CFAP141: variants seen among roughly 807,000 people sequenced by gnomAD.
CFAP141 encodes cilia- and flagella-associated protein 141.
the CFAP141 span, chr1:154,200,519 G>A: frequency 6.2e-7 from 1 of 1,614,134 alleles, no homozygotes; most frequent in Non-Finnish European, 8.5e-7. Flanking sequence ...GCATCCTTAG[G>A]GTGGCATACG....
At chr1:154,199,279 G>A in the CFAP141 span, 12 of 578,636 alleles carry the variant, frequency 2.1e-5, no homozygotes, top group Non-Finnish European at 3.4e-5. Context: ...CGAGAGAGTG[G>A]AGAAGTGAGA....
the CFAP141 span, chr1:154,199,330 C>A: frequency 1.4e-6 from 1 of 733,418 alleles, no homozygotes; most frequent in Non-Finnish European, 2.3e-6. Flanking sequence ...TAGCAAGATC[C>A]AGGTATGTTT....
the CFAP141 span, among the ~76,000 whole-genome samples, chr1:154,202,237 T>G: frequency 6.0e-5 from 9 of 151,050 alleles, no homozygotes; most frequent in Admixed American, 4.6e-4. Flanking sequence ...CATGCCTGGC[T>G]GCTAATTTTT....
chr1:154,204,984 C>G, the CFAP141 span, among the ~76,000 whole-genome samples: 2 of 151,560 alleles, frequency 1.3e-5, no homozygotes, highest in African/African-American at 4.8e-5. Context: ...TAAGTTCAAG[C>G]AATTCTCCTG....
the CFAP141 span, among the ~76,000 whole-genome samples, chr1:154,204,104 A>C: frequency 6.6e-6 from 1 of 152,102 alleles, no homozygotes; most frequent in Non-Finnish European, 1.5e-5. Context: ...TAAATAAATA[A>C]ATAAATAAAT....
At chr1:154,199,823 C>T in the CFAP141 span, among the ~76,000 whole-genome samples, 1 of 152,020 alleles carries the variant, frequency 6.6e-6, no homozygotes, top group Non-Finnish European at 1.5e-5. Flanking sequence ...GTGGGGACCC[C>T]GGGAGAGAGA....
chr1:154,201,952 T>G, the CFAP141 span, among the ~76,000 whole-genome samples: 11 of 151,380 alleles, frequency 7.3e-5, no homozygotes, highest in African/African-American at 2.4e-4. Context: ...TTTTTTTTTT[T>G]TGGAGACAGA....
the CFAP141 span, among the ~76,000 whole-genome samples, chr1:154,204,541 A>G: frequency 1.6e-3 from 240 of 151,860 alleles, 6 homozygotes; most frequent in Non-Finnish European, 2.9e-4. Context: ...TTGCCCTCCC[A>G]AAGTGCTGGG....
the CFAP141 span, among the ~76,000 whole-genome samples, chr1:154,203,372 GCCTCAGCCT>G: frequency 1.3e-5 from 2 of 148,298 alleles, no homozygotes; most frequent in African/African-American, 4.9e-5. Flanking sequence ...CAATTCTTCT[GCCTCAGCCT>G]CCTGGGTAGC....
the CFAP141 span, among the ~76,000 whole-genome samples, chr1:154,203,896 G>A: frequency 1.3e-5 from 2 of 152,080 alleles, no homozygotes; most frequent in Admixed American, 6.6e-5. Context: ...CCAACATGGC[G>A]AAACCCCAAC....
the CFAP141 span, among the ~76,000 whole-genome samples, chr1:154,201,408 G>A: frequency 7.2e-6 from 1 of 137,974 alleles, no homozygotes; most frequent in East Asian, 2.1e-4. Flanking sequence ...TTTTTTTTTA[G>A]ACAGAGTCTC....
the CFAP141 span, among the ~76,000 whole-genome samples, chr1:154,202,722 A>C: frequency 4.0e-5 from 6 of 151,894 alleles, no homozygotes; most frequent in African/African-American, 1.5e-4. Flanking sequence ...AATGGCGTGA[A>C]CCCAGGAGAC....
At chr1:154,199,303 C>G in the CFAP141 span, 1 of 642,746 alleles carries the variant, frequency 1.6e-6, no homozygotes, top group South Asian at 2.1e-5. Context: ...GAAGTGCTGT[C>G]TTAAGTCCCT....
chr1:154,200,401 T>C, the CFAP141 span: 5 of 1,576,514 alleles, frequency 3.2e-6, no homozygotes, highest in African/African-American at 4.1e-5. Context: ...GAAAACTCAA[T>C]GGGCAAAGGC....
At chr1:154,199,496 T>G in the CFAP141 span, 3 of 1,613,516 alleles carry the variant, frequency 1.9e-6, no homozygotes, top group Admixed American at 5.0e-5. Context: ...GATGCTCCTT[T>G]TCAAACAGCT....
the CFAP141 span, among the ~76,000 whole-genome samples, chr1:154,203,578 G>A: frequency 6.6e-6 from 1 of 151,808 alleles, no homozygotes; most frequent in Non-Finnish European, 1.5e-5. Flanking sequence ...ACAGGTGTGT[G>A]CCTGGCTAAT....
the CFAP141 span, chr1:154,206,287 T>G: frequency 4.3e-6 from 7 of 1,614,174 alleles, no homozygotes; most frequent in Non-Finnish European, 5.1e-6. Flanking sequence ...CTTCTACTTT[T>G]GTCATCTTTT....
At chr1:154,199,464 T>C in the CFAP141 span, 1 of 1,613,296 alleles carries the variant, frequency 6.2e-7, no homozygotes, top group Non-Finnish European at 8.5e-7. Flanking sequence ...GCCCATCTGA[T>C]TTAGTTCCTG....
At chr1:154,203,404 C>G in the CFAP141 span, among the ~76,000 whole-genome samples, 458 of 149,410 alleles carry the variant, frequency 3.1e-3, 1 homozygote, top group Non-Finnish European at 3.6e-3. Flanking sequence ...GGATTATAGG[C>G]GTGTGCCACC....
Sources: allele counts gnomAD v4.1 joint callset (sites outside exome capture counted in the v4.1 genomes callset), GRCh38; gene constraint gnomAD v4.1.1; transcripts MANE v1.5; gene names NCBI Gene and HGNC (gene_info 2026-07-23, HGNC 2026-07-21).